The following ASAH2 variants were observed in gnomAD, a reference collection of about 807,000 sequenced individuals.
The protein encoded by ASAH2 is neutral ceramidase.
Under a neutral mutation model 82.9 loss-of-function variants are expected in ASAH2, and 58 were observed. The observed-to-expected ratio is 0.70, with a 90% CI of 0.57 to 0.87. The LOEUF (loss-of-function observed/expected upper bound fraction) is 0.87, where lower values mean the gene tolerates loss of function less well. Among genes scored for constraint, ASAH2 ranks in the 40% least tolerant of loss-of-function variants. The probability of loss-of-function intolerance (pLI) is 0.00; values close to 1 mark genes in which losing one functional copy is unlikely to be tolerated. For synonymous variants in ASAH2, 276 were observed against 289.7 expected, an observed-to-expected ratio of 0.95 and a Z score of 0.48; for missense variants, 779 against 834.0, an observed-to-expected ratio of 0.93 and a Z score of 0.81.
In ASAH2 at chr10:50,237,624, G is replaced by A. The variant is rs927484861; in HGVS notation, c.511-1560C>T. ...GACTCAGTAAATGTTTAGTGAATGA[G>A]TTGATCAATGAACATCCAAATGCAT... On this transcript the variant is annotated intron_variant, in intron 4 of 20. Coordinates refer to ENST00000682911, the MANE Select transcript of ASAH2 (RefSeq NM_019893.4). Among the ~76,000 whole-genome samples the A allele has an allele frequency of 3.9e-5, 6 of 152,164 alleles. 1 individual carries two copies. Among genetic ancestry groups the A allele is most frequent in the African/African-American group, 9.7e-5 (4 of 41,438 alleles).
chr10:50,202,841 A>G lies in ASAH2; in HGVS notation c.1749T>C (p.Tyr583=), dbSNP rs892063370. The G allele has an allele frequency of 6.5e-5, 104 of 1,607,644 alleles. 1 individual carries two copies. The African/African-American group carries it at 9.4e-4, about 14-fold the overall frequency. ...CNVYTHYITT[Y]EEYQAQRYEA... is the part of the protein sequence containing the mutation. Reference sequence around the variant, plus strand: ...CGTTTTGCTTTACCTGGTATTCTTCATAAGTGGTAATGTAATGTGTATAGA... The same window carrying G: ...CGTTTTGCTTTACCTGGTATTCTTCGTAAGTGGTAATGTAATGTGTATAGA... Residue 583 remains tyrosine, a synonymous_variant, in exon 16 of 21, where the codon TAT becomes TAC. Coordinates refer to ENST00000682911, the MANE Select transcript of ASAH2 (RefSeq NM_019893.4).
intron 10 of ASAH2, among the ~76,000 whole-genome samples, chr10:50,211,753 C>A (rs1235956120): frequency 2.0e-5 from 3 of 152,144 alleles, no homozygotes; most frequent in African/African-American, 7.2e-5. Context: ...ATAGGCAAAT[C>A]CTGTTTCATC....
chr10:50,243,412 C>G (rs1285675637), intron 3 of ASAH2, 61 bp from the exon 4 acceptor site: 1 of 1,563,424 alleles, frequency 6.4e-7, no homozygotes, highest in Non-Finnish European at 8.7e-7. Flanking sequence ...AGAAACCAGG[C>G]ACAAACATAC....
At position 50,203,660 on chromosome 10, in the gene ASAH2, G is replaced by C. The variant is rs1845220250; in HGVS notation, c.1645C>G (p.Leu549Val). Reference sequence around the variant, plus strand: ...CTTACTGCTTGAACTGCCTCTCGAAGTCTTCGTCCAGACATGGTCCTGAGT... The same window carrying C: ...CTTACTGCTTGAACTGCCTCTCGAACTCTTCGTCCAGACATGGTCCTGAGT... ...GEFTTMSGRR[L>V]REAVQAEFAS... The change falls in exon 15 of 21, where the codon CTT becomes GTT. Residue 549 changes from leucine (L) to valine (V), a missense_variant. Leu to Val is a conservative substitution (Grantham distance 32). Coordinates refer to ENST00000682911, the MANE Select transcript of ASAH2 (RefSeq NM_019893.4). 6.2e-7 allele frequency: 1 copy of C among 1,612,374 alleles called. No homozygotes were observed. Among genetic ancestry groups the C allele is most frequent in the African/African-American group, 1.3e-5 (1 of 74,828 alleles).
chr10:50,225,144 A>G (rs1845845979), intron 7 of ASAH2, among the ~76,000 whole-genome samples: 1 of 152,218 alleles, frequency 6.6e-6, no homozygotes, highest in Admixed American at 6.5e-5. Context: ...AATTCCATTA[A>G]GTTACAGCAG....
chr10:50,199,011 C>T, intron 17 of ASAH2, 40 bp downstream of exon 17: 2 of 1,595,270 alleles, frequency 1.3e-6, no homozygotes, highest in South Asian at 1.1e-5. Context: ...CACACACACA[C>T]ACGCACGCGC....
At chr10:50,221,698 G>GATAGATA (rs1845753046) in intron 7 of ASAH2, among the ~76,000 whole-genome samples, 3 of 147,230 alleles carry the variant, frequency 2.0e-5, no homozygotes, top group South Asian at 2.2e-4. Flanking sequence ...ATAGATGGAT[G>GATAGATA]GATAGATAGA....
chr10:50,203,590 C>A, intron 15 of ASAH2, 50 bp downstream of exon 15: 1 of 904,930 alleles, frequency 1.1e-6, no homozygotes, highest in Non-Finnish European at 1.7e-6. Flanking sequence ...ATATACTTTC[C>A]TCTTCACCAA....
chr10:50,249,333 C>G (rs888826922), intron 1 of ASAH2, among the ~76,000 whole-genome samples: 3 of 152,134 alleles, frequency 2.0e-5, no homozygotes, highest in Non-Finnish European at 2.9e-5. Context: ...TAAAATGTTC[C>G]TATGTTCTAC....
intron 2 of ASAH2, among the ~76,000 whole-genome samples, chr10:50,246,907 C>T (rs1846472179): frequency 6.6e-6 from 1 of 152,204 alleles, no homozygotes; most frequent in Non-Finnish European, 1.5e-5. Flanking sequence ...TTTACAATCT[C>T]AGGGTCTCCG....
intron 17 of ASAH2, among the ~76,000 whole-genome samples, chr10:50,197,293 A>G (rs1302805709): frequency 5.9e-5 from 9 of 151,758 alleles, no homozygotes; most frequent in African/African-American, 2.2e-4. Context: ...TTAATTTTTA[A>G]AAAGTATTGA....
Position 50,236,045 on chromosome 10 carries a change from C to T in ASAH2, c.530G>A (p.Ser177Asn), listed in dbSNP as rs975289729. ...TCTTCTGTACAGGGAGCCATATTTA[C>T]TCTGCAGTCTGTTCAGGACCTTCAA... ...LRLEVLNRLQSKYGSLYRRDN... is the reference protein window; with the variant it reads ...LRLEVLNRLQNKYGSLYRRDN... The change falls in exon 5 of 21, where the codon AGT becomes AAT. Residue 177 changes from serine (S) to asparagine (N), a missense_variant. This residue lies in a region of ASAH2 where 759 missense variants were observed against 755.2 expected (regional missense o/e 1.00). Transcript: ENST00000682911. 7.4e-6 allele frequency: 12 copies of T among 1,613,156 alleles called. No homozygotes were observed. Among genetic ancestry groups the T allele is most frequent in the Admixed American group, 1.7e-5 (1 of 59,916 alleles).
intron 4 of ASAH2, among the ~76,000 whole-genome samples, chr10:50,242,488 A>C (rs1293214321): frequency 1.3e-5 from 2 of 152,220 alleles, no homozygotes; most frequent in Non-Finnish European, 2.9e-5. Context: ...GAATGTTAGC[A>C]GACATTAACA....
At chr10:50,233,148 C>G in intron 7 of ASAH2, 36 bp downstream of exon 7, 1 of 1,421,654 alleles carries the variant, frequency 7.0e-7, no homozygotes, top group Non-Finnish European at 1.0e-6. Context: ...AGAAAAGCTA[C>G]CCGACAGAAT....
Position 50,245,264 on chromosome 10 carries a change from A to G in ASAH2, c.318T>C (p.Val106=). 1 of 1,614,190 alleles carries G rather than the reference A, an allele frequency of 6.2e-7. No homozygotes were observed. Among genetic ancestry groups the G allele is most frequent in the East Asian group, 2.2e-5 (1 of 44,886 alleles). ...FQNFSGYHIG[V]GRADCTGQVA... ...CTTGTCCTGTGCAGTCAGCTCGTCC[A>G]ACACCAATATGGTAGCCACTGAAGT... The change falls in exon 3 of 21, where the codon GTT becomes GTC. Residue 106 remains valine, a synonymous_variant. Coordinates refer to ENST00000682911, the MANE Select transcript of ASAH2 (RefSeq NM_019893.4).
Position 50,247,550 on chromosome 10 carries a change from CCT to C in ASAH2, c.127+932_127+933del, listed in dbSNP as rs1374820157. Among the ~76,000 whole-genome samples, 8 of 152,034 alleles carry C rather than the reference CCT, an allele frequency of 5.3e-5. No homozygotes were observed. The East Asian group carries it at 1.4e-3, about 26-fold the overall frequency. ...ACTGCTGGATCAGAGGATCTCTGAT[CCT>C]CTGTGTTTGCCAGGAATTCAAAGCC... On this transcript the variant is annotated intron_variant, in intron 2 of 20. Coordinates refer to ENST00000682911, the MANE Select transcript of ASAH2 (RefSeq NM_019893.4).
At chr10:50,206,154 A>G (rs998934775) in intron 12 of ASAH2, 57 bp from the exon 13 acceptor site, 8 of 1,192,954 alleles carry the variant, frequency 6.7e-6, no homozygotes, top group African/African-American at 3.0e-5. Flanking sequence ...CAAAAAAGTC[A>G]TTATCTTGAC....
intron 4 of ASAH2, chr10:50,240,448 T>A: frequency 1.4e-6 from 1 of 702,088 alleles, no homozygotes; most frequent in East Asian, 2.7e-5. Flanking sequence ...CTAGTTCCAC[T>A]CTATTCCAAT....
At position 50,210,873 on chromosome 10, in the gene ASAH2, CTG is replaced by C; in HGVS notation, c.1362_1363del (p.Tyr454Ter). 2 of 1,613,690 alleles carry C rather than the reference CTG, an allele frequency of 1.2e-6. No homozygotes were observed. Among genetic ancestry groups the C allele is most frequent in the Non-Finnish European group, 1.7e-6 (2 of 1,179,636 alleles). On this transcript the variant is annotated stop_gained and frameshift_variant, in exon 12 of 21. Coordinates refer to ENST00000682911, the MANE Select transcript of ASAH2 (RefSeq NM_019893.4). LOFTEE classifies it high-confidence loss of function. ...TCCATCAATAGTGCCAGCTGCAAAA[CTG>C]TAGCCCAATGCTGGTTTACATGTTT...
Sources: allele counts gnomAD v4.1 joint callset (sites outside exome capture counted in the v4.1 genomes callset), GRCh38; gene constraint gnomAD v4.1.1; regional missense constraint gnomAD v4.1.1; transcripts MANE v1.5; gene names NCBI Gene and HGNC (gene_info 2026-07-23, HGNC 2026-07-21).